Variants in ERICH1 observed in about 807,000 individuals in gnomAD.
ERICH1 encodes the protein glutamate rich 1.
Under a neutral mutation model 39.6 loss-of-function variants are expected in ERICH1, and 56 were observed. The ratio of observed to expected loss-of-function variants is 1.41; its 90% CI spans 1.14 to 1.77. The LOEUF (loss-of-function observed/expected upper bound fraction) is 1.77. Among genes scored for constraint, ERICH1 ranks in the 40% most tolerant of loss-of-function variants. ERICH1 has a pLI of 0.00. For missense variants in ERICH1, 826 were observed against 575.4 expected, an observed-to-expected ratio of 1.44 and a Z score of -4.45; for synonymous variants, 313 against 223.6, an observed-to-expected ratio of 1.40 and a Z score of -3.57.
intron 3 of ERICH1, among the ~76,000 whole-genome samples, chr8:678,826 A>C (rs1805443944): frequency 6.6e-6 from 1 of 152,122 alleles, no homozygotes; most frequent in Non-Finnish European, 1.5e-5. Context: ...AGAAAAAGCC[A>C]ACACATGTCT....
chr8:690,584 G>A (rs1227069820), intron 3 of ERICH1, among the ~76,000 whole-genome samples: 1 of 152,260 alleles, frequency 6.6e-6, no homozygotes, highest in African/African-American at 2.4e-5. Flanking sequence ...CGGGCAGCCA[G>A]GAGGGGCCAG....
At chr8:717,158 C>T (rs1249368259) in intron 1 of ERICH1, among the ~76,000 whole-genome samples, 1 of 152,190 alleles carries the variant, frequency 6.6e-6, no homozygotes, top group Non-Finnish European at 1.5e-5. Flanking sequence ...ACAAAGCCTG[C>T]TTTTGCTGGG....
chr8:636,638 A>C (rs1034459295), intron 3 of ERICH1, among the ~76,000 whole-genome samples: 1 of 152,266 alleles, frequency 6.6e-6, no homozygotes, highest in African/African-American at 2.4e-5. Context: ...AACAGCAGAC[A>C]GGACACCTAC....
At chr8:632,121 G>C (rs147863030) in intron 3 of ERICH1, among the ~76,000 whole-genome samples, 1,847 of 152,282 alleles carry the variant, frequency 0.012, 21 homozygotes, top group Non-Finnish European at 0.018. Context: ...TTTGTGCTCA[G>C]GAGAGGAAAA....
chr8:633,087 G>C (rs940636290), intron 3 of ERICH1, among the ~76,000 whole-genome samples: 22 of 152,162 alleles, frequency 1.4e-4, no homozygotes, highest in African/African-American at 5.3e-4. Flanking sequence ...GCCCAGGACA[G>C]ACGGAAACCA....
intron 3 of ERICH1, among the ~76,000 whole-genome samples, chr8:619,737 C>T (rs901160175): frequency 2.6e-5 from 4 of 151,904 alleles, no homozygotes; most frequent in African/African-American, 9.7e-5. Context: ...TAAACAACAG[C>T]ACAAAAAAGA....
At chr8:695,137 C>T (rs1168508002) in intron 2 of ERICH1, among the ~76,000 whole-genome samples, 1 of 152,054 alleles carries the variant, frequency 6.6e-6, no homozygotes, top group South Asian at 2.1e-4. Context: ...CGTCAGGTTC[C>T]CCTCAGCTCC....
At chr8:730,540 A>G (rs1386613585) in intron 1 of ERICH1, among the ~76,000 whole-genome samples, 3 of 152,172 alleles carry the variant, frequency 2.0e-5, no homozygotes, top group East Asian at 3.9e-4. Context: ...AGCACGCTTT[A>G]TTTTCTAACA....
At chr8:673,011 G>C (rs1803786932) in intron 4 of ERICH1, among the ~76,000 whole-genome samples, 1 of 152,250 alleles carries the variant, frequency 6.6e-6, no homozygotes, top group South Asian at 2.1e-4. Context: ...GCCTGTCCTT[G>C]GCACAGCTGG....
At chr8:639,488 A>G (rs1288110436) in intron 3 of ERICH1, among the ~76,000 whole-genome samples, 1 of 152,226 alleles carries the variant, frequency 6.6e-6, no homozygotes. Flanking sequence ...CAAACCACAA[A>G]ATATCAAAGA....
chr8:655,103 G>T (rs1344285366), intron 3 of ERICH1, among the ~76,000 whole-genome samples: 1 of 152,206 alleles, frequency 6.6e-6, no homozygotes, highest in East Asian at 1.9e-4. Context: ...TCTCTGCCGA[G>T]CCCAGATGCA....
chr8:658,105 C>T (rs985678806), intron 3 of ERICH1, among the ~76,000 whole-genome samples: 17 of 152,226 alleles, frequency 1.1e-4, no homozygotes, highest in Admixed American at 3.9e-4. Flanking sequence ...TGCCCTTCTT[C>T]GTGCCCAAGT....
chr8:687,539 G>A (rs1414542144), intron 3 of ERICH1, among the ~76,000 whole-genome samples: 1 of 152,250 alleles, frequency 6.6e-6, no homozygotes, highest in Non-Finnish European at 1.5e-5. Flanking sequence ...GCGCTGAGGG[G>A]GCGCAGGGGA....
At position 673,876 on chromosome 8, in the gene ERICH1, T is replaced by A; in HGVS notation, c.476A>T (p.Lys159Ile). The change falls in exon 4 of 6, where the codon AAA becomes ATA. Residue 159 changes from lysine (K) to isoleucine (I), a missense_variant. By Grantham distance (102) the Lys-to-Ile change is moderately radical. Coordinates refer to ENST00000262109, the MANE Select transcript of ERICH1 (RefSeq NM_207332.3). ...RQHTDGTTIS[K>I]NKKRKLKKKQ... ...CTTTTTCAGTTTCCTTTTTTTATTT[T>A]TGCTTATTGTGGTGCCATCTGTGTG... is the stretch of plus-strand genomic sequence containing the variant. The A allele has an allele frequency of 6.2e-7, 1 of 1,613,646 alleles. No individual in the cohort carries two copies. Among genetic ancestry groups the A allele is most frequent in the Non-Finnish European group, 8.5e-7 (1 of 1,179,988 alleles).
intron 3 of ERICH1, among the ~76,000 whole-genome samples, chr8:678,177 T>G (rs529313951): frequency 6.6e-6 from 1 of 152,294 alleles, no homozygotes; most frequent in Admixed American, 6.5e-5. Context: ...CTGGACATCC[T>G]TTTCTCAGGA....
chr8:718,230 T>TA (rs1230307188), intron 1 of ERICH1, among the ~76,000 whole-genome samples: 1 of 151,584 alleles, frequency 6.6e-6, no homozygotes, highest in East Asian at 1.9e-4. Flanking sequence ...CACACCAGGG[T>TA]ATGGATCGGA....
At chr8:627,036 T>C (rs973543498) in intron 3 of ERICH1, 1 of 445,562 alleles carries the variant, frequency 2.2e-6, no homozygotes, top group Non-Finnish European at 4.6e-6. Flanking sequence ...CACTCCCTTC[T>C]GTCTCCTCGG....
chr8:699,810 G>A (rs1258034806), intron 2 of ERICH1, among the ~76,000 whole-genome samples: 1 of 61,026 alleles, frequency 1.6e-5, no homozygotes, highest in African/African-American at 4.7e-5. Context: ...CACGCGCACA[G>A]ATCCGCACAA....
chr8:678,319 C>T (rs1001257186), intron 3 of ERICH1, among the ~76,000 whole-genome samples: 6 of 152,102 alleles, frequency 3.9e-5, no homozygotes, highest in African/African-American at 9.7e-5. Flanking sequence ...AGTGCCGATA[C>T]GTCTTGTTGG....
Sources: allele counts gnomAD v4.1 joint callset (sites outside exome capture counted in the v4.1 genomes callset), GRCh38; gene constraint gnomAD v4.1.1; transcripts MANE v1.5; gene names NCBI Gene and HGNC (gene_info 2026-07-23, HGNC 2026-07-21).